Variants in CDH2 observed in about 807,000 individuals in gnomAD.
The protein encoded by CDH2 is cadherin 2.
In CDH2, 17 loss-of-function variants were observed where a neutral mutation model predicts 92.0. The ratio of observed to expected loss-of-function variants is 0.18; its 90% CI spans 0.13 to 0.28. The LOEUF (loss-of-function observed/expected upper bound fraction) is 0.28, where lower values mean the gene tolerates loss of function less well. Among genes scored for constraint, CDH2 ranks in the 10% least tolerant of loss-of-function variants. CDH2 has a pLI of 1.00. For missense variants in CDH2, 862 were observed against 1,133.1 expected (o/e 0.76, Z 3.44); for synonymous variants, 419 against 415.9 (o/e 1.01, Z -0.09).
At chr18:28,085,468 C>G (rs139678486) in intron 2 of CDH2, among the ~76,000 whole-genome samples, 1 of 152,228 alleles carries the variant, frequency 6.6e-6, no homozygotes, top group East Asian at 1.9e-4. Context: ...CCCCTCAAAT[C>G]TTAACTGTCC....
chr18:27,947,061 A>G (rs1159262054), downstream of CDH2, among the ~76,000 whole-genome samples: 1 of 151,820 alleles, frequency 6.6e-6, no homozygotes, highest in Non-Finnish European at 1.5e-5. Flanking sequence ...GATCACTGCT[A>G]CTAATGGTAC....
intron 14 of CDH2, among the ~76,000 whole-genome samples, chr18:27,968,586 G>A (rs1295989940): frequency 6.6e-6 from 1 of 152,212 alleles, no homozygotes; most frequent in Non-Finnish European, 1.5e-5. Context: ...ACATGGAGGA[G>A]AGGGGTGGAC....
chr18:28,142,424 A>G (rs920575578), intron 2 of CDH2, among the ~76,000 whole-genome samples: 1 of 151,862 alleles, frequency 6.6e-6, no homozygotes, highest in African/African-American at 2.4e-5. Context: ...ATACATCGAA[A>G]GGGATATAAA....
chr18:28,113,631 A>C (rs2144258311), intron 2 of CDH2, among the ~76,000 whole-genome samples: 1 of 152,250 alleles, frequency 6.6e-6, no homozygotes, highest in African/African-American at 2.4e-5. Context: ...ATGAGATGGG[A>C]CCAAAACATT....
At chr18:28,058,260 A>T (rs959637466) in intron 2 of CDH2, among the ~76,000 whole-genome samples, 9 of 152,204 alleles carry the variant, frequency 5.9e-5, no homozygotes, top group African/African-American at 2.2e-4. Flanking sequence ...TTCATAATCC[A>T]TTGATGACAA....
intron 7 of CDH2, among the ~76,000 whole-genome samples, chr18:27,995,805 T>TA (rs147889992): frequency 0.046 from 6,872 of 150,196 alleles, 597 homozygotes; most frequent in East Asian, 0.39. Flanking sequence ...TCTCTTCAAA[T>TA]AAAAAAAAAA....
intron 2 of CDH2, among the ~76,000 whole-genome samples, chr18:28,121,763 T>C (rs2015591788): frequency 6.6e-6 from 1 of 152,138 alleles, no homozygotes; most frequent in Non-Finnish European, 1.5e-5. Flanking sequence ...GATAAAAGTC[T>C]GAACCAGTAG....
In CDH2 at chr18:28,010,682, C is replaced by CT. The variant is rs1555633023; in HGVS notation, c.547-811_547-810insA. ...ATAAAATCTAGGTTTTTTTTTTTTGCGGGGGGGGAAGGAGTCTCACTCTGT... is the reference window on the plus strand; with the variant it reads ...ATAAAATCTAGGTTTTTTTTTTTTGCTGGGGGGGGAAGGAGTCTCACTCTGT... On this transcript the variant is annotated intron_variant, in intron 4 of 15. Coordinates refer to ENST00000269141, the MANE Select transcript of CDH2 (RefSeq NM_001792.5). Among the ~76,000 whole-genome samples the CT allele has an allele frequency of 1.2e-4, 17 of 143,494 alleles. No homozygotes were observed. The East Asian group carries it at 3.0e-3, about 25-fold the overall frequency. 94.1% of individuals were successfully genotyped at this position (143,494 alleles called of 152,430 possible).
intron 2 of CDH2, among the ~76,000 whole-genome samples, chr18:28,099,668 T>A (rs2015195259): frequency 6.6e-6 from 1 of 151,622 alleles, no homozygotes; most frequent in Non-Finnish European, 1.5e-5. Context: ...CATATAAAGA[T>A]AAAAAATTAA....
At chr18:28,137,614 G>A (rs2015885287) in intron 2 of CDH2, among the ~76,000 whole-genome samples, 1 of 151,804 alleles carries the variant, frequency 6.6e-6, no homozygotes, top group Admixed American at 6.6e-5. Context: ...ACAAAAAACT[G>A]TGCTCAAATG....
At chr18:27,960,510 C>T (rs1338477000) in intron 15 of CDH2, among the ~76,000 whole-genome samples, 1 of 152,156 alleles carries the variant, frequency 6.6e-6, no homozygotes, top group African/African-American at 2.4e-5. Flanking sequence ...CAAATAAGAA[C>T]CAGACACAAA....
chr18:27,975,988 G>A (rs1236018498), intron 14 of CDH2, among the ~76,000 whole-genome samples: 1 of 152,176 alleles, frequency 6.6e-6, no homozygotes, highest in South Asian at 2.1e-4. Flanking sequence ...TCTACCGGCT[G>A]AGTCTGGGGT....
intron 7 of CDH2, among the ~76,000 whole-genome samples, chr18:28,000,870 A>G (rs2012743360): frequency 7.4e-6 from 1 of 135,180 alleles, no homozygotes; most frequent in Admixed American, 7.1e-5. Flanking sequence ...TACTTTTGAC[A>G]GAAAGGAAAC....
At chr18:27,942,880 T>C (rs1289111461) in intron 6 of CDH2, among the ~76,000 whole-genome samples, 1 of 152,118 alleles carries the variant, frequency 6.6e-6, no homozygotes, top group African/African-American at 2.4e-5. Flanking sequence ...GAGAGACTGA[T>C]GAGTAAGAAC....
At chr18:28,095,943 G>C (rs1396019684) in intron 2 of CDH2, among the ~76,000 whole-genome samples, 2 of 152,034 alleles carry the variant, frequency 1.3e-5, no homozygotes, top group Non-Finnish European at 2.9e-5. Context: ...GAGGCATAAA[G>C]GTTACAGCAC....
intron 2 of CDH2, among the ~76,000 whole-genome samples, chr18:28,058,948 C>A (rs184736451): frequency 1.3e-5 from 2 of 152,246 alleles, no homozygotes; most frequent in Admixed American, 1.3e-4. Context: ...AAGAAACAGG[C>A]TATTTGGTTA....
intron 5 of CDH2, 142 bp downstream of exon 5, chr18:28,009,575 T>C (rs140613736): frequency 1.7e-6 from 1 of 587,996 alleles, no homozygotes; most frequent in African/African-American, 1.9e-5. Flanking sequence ...AATAACATTA[T>C]TAAAATAAAC....
chr18:27,950,845 C>T (rs987000870), downstream of CDH2: 13 of 152,204 alleles, frequency 8.5e-5, no homozygotes, highest in African/African-American at 2.4e-4. Context: ...CCATGCTACG[C>T]GTTTCAATGG....
At chr18:28,159,940 A>G (rs1285280666) in intron 1 of CDH2, among the ~76,000 whole-genome samples, 1 of 152,154 alleles carries the variant, frequency 6.6e-6, no homozygotes, top group Non-Finnish European at 1.5e-5. Flanking sequence ...TACAGGCGTG[A>G]GCCACCACGC....
Sources: gnomAD v4.1 joint callset for allele counts (sites outside exome capture counted in the v4.1 genomes callset) on GRCh38, gnomAD v4.1.1 for gene constraint, MANE v1.5 for transcripts, NCBI Gene and HGNC (gene_info 2026-07-23, HGNC 2026-07-21) for gene names.